ZNF644: variants seen among roughly 807,000 people sequenced by gnomAD.
The protein encoded by ZNF644 is zinc finger protein 644.
A neutral mutation model predicts 108.0 loss-of-function variants in ZNF644; 20 were observed. The ratio of observed to expected loss-of-function variants is 0.19; its 90% CI spans 0.13 to 0.27. ZNF644 has a LOEUF of 0.27. Among genes scored for constraint, ZNF644 ranks in the 10% least tolerant of loss-of-function variants. ZNF644 has a pLI of 1.00. For missense variants in ZNF644, 1,338 were observed against 1,548.9 expected (o/e 0.86, Z 2.29); for synonymous variants, 542 against 539.1 (o/e 1.01, Z -0.08).
chr1:91,015,493 A>G (rs1660354758), intron 1 of ZNF644, among the ~76,000 whole-genome samples: 1 of 152,218 alleles, frequency 6.6e-6, no homozygotes, highest in South Asian at 2.1e-4. Flanking sequence ...CTCTACTAAT[A>G]GTCACCACAT....
chr1:90,966,940 A>C (rs933938037), intron 2 of ZNF644, among the ~76,000 whole-genome samples: 1 of 152,002 alleles, frequency 6.6e-6, no homozygotes, highest in African/African-American at 2.4e-5. Flanking sequence ...GAGTTTCTTA[A>C]AGTTAATGCA....
At chr1:90,960,695 G>A (rs1467601602) in intron 2 of ZNF644, among the ~76,000 whole-genome samples, 3 of 152,014 alleles carry the variant, frequency 2.0e-5, no homozygotes, top group African/African-American at 7.3e-5. Context: ...TCCTGTAATA[G>A]GTTCCTTCTA....
chr1:90,916,735 TA>T lies in ZNF644; in HGVS notation c.*62del, dbSNP rs201325160. The T allele has an allele frequency of 3.5e-4, 542 of 1,549,892 alleles. 1 individual carries two copies. Among genetic ancestry groups the T allele is most frequent in the Middle Eastern group, 1.1e-3 (5 of 4,578 alleles). On this transcript the variant is annotated 3_prime_UTR_variant, in exon 6 of 6. Coordinates refer to ENST00000337393, the MANE Select transcript of ZNF644 (RefSeq NM_201269.3). ...TATAAACAGATAATTTAATGTGGCT[TA>T]AAAAAAAAGAATTTCAAATTTACAT...
At chr1:90,931,831 A>G (rs931702005) in intron 4 of ZNF644, among the ~76,000 whole-genome samples, 7 of 152,012 alleles carry the variant, frequency 4.6e-5, no homozygotes, top group African/African-American at 9.7e-5. Flanking sequence ...AAAAAAAAGA[A>G]CTTCTTAAGG....
chr1:90,943,235 A>T (rs1271747236), intron 2 of ZNF644, among the ~76,000 whole-genome samples: 1 of 151,958 alleles, frequency 6.6e-6, no homozygotes, highest in East Asian at 1.9e-4. Flanking sequence ...AGATCAGGAG[A>T]TTGACACCAT....
chr1:90,940,565 T>C lies in ZNF644; in HGVS notation c.789A>G (p.Lys263=). The C allele has an allele frequency of 6.2e-7, 1 of 1,613,994 alleles. No individual in the cohort carries two copies. Residue 263 remains lysine (K), a synonymous_variant, in exon 3 of 6, where the codon AAA becomes AAG. Transcript: ENST00000337393. The stretch of plus-strand genomic sequence containing the variant: ...TAGTCATAAGAAATTGAATGAACTC[T>C]TTTTGGGGATCCCAGTTTGTATCAT... The part of the protein sequence containing the change: ...SENDTNWDPQ[K]EFIQFLMTNE...
At chr1:90,922,325 AAAGT>A (rs1401502735) in intron 4 of ZNF644, among the ~76,000 whole-genome samples, 1 of 152,152 alleles carries the variant, frequency 6.6e-6, no homozygotes, top group East Asian at 1.9e-4. Context: ...ATCTATACCC[AAAGT>A]AAGAGGCACA....
intron 4 of ZNF644, among the ~76,000 whole-genome samples, chr1:90,933,771 C>T (rs188682580): frequency 2.0e-5 from 3 of 152,060 alleles, no homozygotes; most frequent in Admixed American, 2.0e-4. Context: ...CAAAAATAGA[C>T]CGCCTGTGTA....
intron 1 of ZNF644, among the ~76,000 whole-genome samples, chr1:91,007,700 C>G (rs1408545082): frequency 6.6e-6 from 1 of 152,120 alleles, no homozygotes; most frequent in Non-Finnish European, 1.5e-5. Context: ...TTCTAAATTT[C>G]TAGAAGCTCT....
chr1:90,991,474 TA>T (rs1657629472), intron 1 of ZNF644, among the ~76,000 whole-genome samples: 1 of 152,238 alleles, frequency 6.6e-6, no homozygotes, highest in Non-Finnish European at 1.5e-5. Context: ...TACAATGATG[TA>T]TTAGTCCATT....
At chr1:90,982,878 ATTAC>A (rs1202491526) in intron 1 of ZNF644, among the ~76,000 whole-genome samples, 1 of 152,122 alleles carries the variant, frequency 6.6e-6, no homozygotes, top group Non-Finnish European at 1.5e-5. Context: ...GCCAACACTG[ATTAC>A]TTACTAAATG....
At chr1:90,933,883 T>C (rs1651031759) in intron 4 of ZNF644, among the ~76,000 whole-genome samples, 1 of 151,826 alleles carries the variant, frequency 6.6e-6, no homozygotes, top group African/African-American at 2.4e-5. Flanking sequence ...CAAATTAAGT[T>C]CTTTAAGTCC....
chr1:90,976,774 C>T (rs1362654546), intron 2 of ZNF644, among the ~76,000 whole-genome samples: 1 of 151,906 alleles, frequency 6.6e-6, no homozygotes, highest in African/African-American at 2.4e-5. Flanking sequence ...TACAGTTGAC[C>T]CTTCATATCT....
At chr1:90,992,057 A>G (rs74099892) in intron 1 of ZNF644, among the ~76,000 whole-genome samples, 1,930 of 152,334 alleles carry the variant, frequency 0.013, 38 homozygotes, top group African/African-American at 0.044. Context: ...AAAAGAGTAC[A>G]TACTGCATGT....
At chr1:90,967,312 A>G (rs895789252) in intron 2 of ZNF644, among the ~76,000 whole-genome samples, 4 of 152,132 alleles carry the variant, frequency 2.6e-5, no homozygotes, top group East Asian at 1.9e-4. Flanking sequence ...ACAGCTCTTA[A>G]AGTCACTTAC....
intron 2 of ZNF644, among the ~76,000 whole-genome samples, chr1:90,946,423 G>A (rs74099872): frequency 0.013 from 1,918 of 152,182 alleles, 39 homozygotes; most frequent in African/African-American, 0.044. Context: ...GGAATATGGA[G>A]TTGAGGATTG....
intron 4 of ZNF644, among the ~76,000 whole-genome samples, chr1:90,923,019 G>C (rs1239289138): frequency 6.6e-6 from 1 of 152,090 alleles, no homozygotes; most frequent in African/African-American, 2.4e-5. Flanking sequence ...AAACATGCTA[G>C]CTTGTGTAAA....
intron 1 of ZNF644, among the ~76,000 whole-genome samples, chr1:91,017,713 G>A (rs1660549988): frequency 6.6e-6 from 1 of 152,202 alleles, no homozygotes; most frequent in African/African-American, 2.4e-5. Flanking sequence ...TGTAATCCCA[G>A]CACTTTGGGA....
At chr1:90,991,039 G>A (rs1030016749) in intron 1 of ZNF644, among the ~76,000 whole-genome samples, 2 of 152,082 alleles carry the variant, frequency 1.3e-5, no homozygotes, top group African/African-American at 4.8e-5. Context: ...TTAAATATGT[G>A]TACTTTATTA....
Sources: gnomAD v4.1 joint callset for allele counts (sites outside exome capture counted in the v4.1 genomes callset) on GRCh38, gnomAD v4.1.1 for gene constraint, MANE v1.5 for transcripts, NCBI Gene and HGNC (gene_info 2026-07-23, HGNC 2026-07-21) for gene names.